GRM8: variants seen among roughly 807,000 people sequenced by gnomAD.
GRM8 encodes glutamate metabotropic receptor 8, also known as metabotropic glutamate receptor 8.
Under a neutral mutation model 87.2 loss-of-function variants are expected in GRM8, and 47 were observed. The observed-to-expected ratio is 0.54, with a 90% CI of 0.43 to 0.69. The LOEUF is 0.69. GRM8 is among the 30% of genes least tolerant of loss of function. The probability of loss-of-function intolerance (pLI) is 0.00; values close to 1 mark genes in which losing one functional copy is unlikely to be tolerated. For missense variants in GRM8, 1,019 were observed against 1,139.2 expected (o/e 0.89, Z 1.52); for synonymous variants, 396 against 404.5 (o/e 0.98, Z 0.25).
intron 6 of GRM8, among the ~76,000 whole-genome samples, chr7:126,809,679 CTCA>C (rs1408773587): frequency 6.6e-5 from 10 of 152,156 alleles, no homozygotes; most frequent in Admixed American, 2.0e-4. Flanking sequence ...CTACCATCCT[CTCA>C]TCAATTCCAA....
intron 2 of GRM8, among the ~76,000 whole-genome samples, chr7:127,129,224 A>G (rs934675844): frequency 2.0e-5 from 3 of 152,186 alleles, no homozygotes; most frequent in South Asian, 4.1e-4. Context: ...AAACCAGAAA[A>G]TTATTAGCCT....
intron 8 of GRM8, among the ~76,000 whole-genome samples, chr7:126,579,935 A>C (rs554477859): frequency 1.3e-5 from 2 of 152,208 alleles, no homozygotes; most frequent in African/African-American, 4.8e-5. Flanking sequence ...ATAAATATTA[A>C]GGAAATATTA....
chr7:126,465,968 G>T (rs1217032994), intron 9 of GRM8, among the ~76,000 whole-genome samples: 1 of 151,824 alleles, frequency 6.6e-6, no homozygotes, highest in African/African-American at 2.4e-5. Flanking sequence ...CTTATTACCA[G>T]ATTAGATAAA....
intron 3 of GRM8, among the ~76,000 whole-genome samples, chr7:126,933,362 A>G (rs1481673810): frequency 6.6e-6 from 1 of 152,236 alleles, no homozygotes; most frequent in Admixed American, 6.5e-5. Context: ...TAAGGATTGG[A>G]TGAATGTTAT....
At chr7:126,615,525 T>C (rs911144616) in intron 7 of GRM8, among the ~76,000 whole-genome samples, 1 of 152,110 alleles carries the variant, frequency 6.6e-6, no homozygotes, top group African/African-American at 2.4e-5. Context: ...CATATAACAA[T>C]ATTAACCTTA....
intron 3 of GRM8, among the ~76,000 whole-genome samples, chr7:126,927,026 T>C (rs1046711925): frequency 6.6e-6 from 1 of 152,246 alleles, no homozygotes; most frequent in African/African-American, 2.4e-5. Context: ...GGTAAATACA[T>C]GTTTGTTGGA....
intron 6 of GRM8, among the ~76,000 whole-genome samples, chr7:126,883,012 G>A (rs1426277743): frequency 1.3e-5 from 2 of 152,130 alleles, no homozygotes; most frequent in African/African-American, 4.8e-5. Flanking sequence ...TTTCTGAGTT[G>A]GTCAGAGGAC....
At chr7:127,079,889 T>G (rs552685033) in intron 3 of GRM8, among the ~76,000 whole-genome samples, 4 of 152,174 alleles carry the variant, frequency 2.6e-5, no homozygotes, top group Non-Finnish European at 5.9e-5. Flanking sequence ...AAAAGTTTAA[T>G]TCCACAGATA....
At chr7:126,883,355 G>A (rs181303976) in intron 6 of GRM8, among the ~76,000 whole-genome samples, 26 of 152,124 alleles carry the variant, frequency 1.7e-4, no homozygotes, top group African/African-American at 3.9e-4. Context: ...CAAATAAAAC[G>A]ACATGCATAA....
intron 2 of GRM8, among the ~76,000 whole-genome samples, chr7:127,234,913 G>T (rs1797895060): frequency 6.6e-6 from 1 of 152,180 alleles, no homozygotes; most frequent in African/African-American, 2.4e-5. Flanking sequence ...GTCTTCAATT[G>T]TGCTGTGAAC....
chr7:127,139,871 C>T (rs1254798850), intron 2 of GRM8, among the ~76,000 whole-genome samples: 2 of 152,068 alleles, frequency 1.3e-5, no homozygotes, highest in East Asian at 3.9e-4. Context: ...AAACATTACA[C>T]AGAATCCCAT....
At chr7:126,915,390 C>T (rs1346445029) in intron 3 of GRM8, among the ~76,000 whole-genome samples, 1 of 152,170 alleles carries the variant, frequency 6.6e-6, no homozygotes, top group Non-Finnish European at 1.5e-5. Context: ...CAACAGCCCC[C>T]ACACAGAAAC....
chr7:126,638,736 A>G (rs116229625), intron 7 of GRM8, among the ~76,000 whole-genome samples: 34 of 152,324 alleles, frequency 2.2e-4, no homozygotes, highest in African/African-American at 7.7e-4. Context: ...TCTTAGGTGT[A>G]TTTATAGAAG....
chr7:126,871,703 TAA>T (rs955502486), intron 6 of GRM8, among the ~76,000 whole-genome samples: 23 of 152,194 alleles, frequency 1.5e-4, no homozygotes, highest in African/African-American at 5.3e-4. Flanking sequence ...TTCTAGTTGT[TAA>T]AGAGCCTGCC....
chr7:126,722,242 C>G (rs1333609608), intron 7 of GRM8, among the ~76,000 whole-genome samples: 5 of 152,126 alleles, frequency 3.3e-5, no homozygotes, highest in African/African-American at 1.2e-4. Context: ...AGTGCCCTTC[C>G]TCTTATATTT....
At chr7:126,866,968 A>G (rs1241821147) in intron 6 of GRM8, among the ~76,000 whole-genome samples, 3 of 152,120 alleles carry the variant, frequency 2.0e-5, no homozygotes, top group Non-Finnish European at 4.4e-5. Flanking sequence ...TCTCTAAACT[A>G]AAGATCTGAC....
chr7:126,442,036 G>A (rs1232244420), intron 10 of GRM8, among the ~76,000 whole-genome samples: 3 of 151,892 alleles, frequency 2.0e-5, no homozygotes, highest in East Asian at 2.0e-4. Context: ...CAGGTTACTG[G>A]GCCTCAGTTT....
intron 9 of GRM8, among the ~76,000 whole-genome samples, chr7:126,518,201 G>T (rs1265356782): frequency 1.3e-5 from 2 of 152,020 alleles, no homozygotes; most frequent in African/African-American, 4.8e-5. Context: ...CTAATGTGAA[G>T]CGAAATAAAA....
chr7:127,089,328 A>G (rs892283699), intron 3 of GRM8, among the ~76,000 whole-genome samples: 2 of 152,204 alleles, frequency 1.3e-5, no homozygotes, highest in African/African-American at 4.8e-5. Context: ...AGCTTCTGTA[A>G]GGAGCCAGCC....
Sources: gnomAD v4.1 joint callset for allele counts (sites outside exome capture counted in the v4.1 genomes callset) on GRCh38, gnomAD v4.1.1 for gene constraint, MANE v1.5 for transcripts, NCBI Gene and HGNC (gene_info 2026-07-23, HGNC 2026-07-21) for gene names.